The following SCAPER variants were observed in gnomAD, a reference collection of about 807,000 sequenced individuals.
SCAPER encodes the protein S-phase cyclin A associated protein in the ER.
A neutral mutation model predicts 182.2 loss-of-function variants in SCAPER; 98 were observed. That is an observed-to-expected ratio of 0.54 (90% confidence interval 0.46 to 0.64). The LOEUF (loss-of-function observed/expected upper bound fraction) is 0.64. Among genes scored for constraint, SCAPER ranks in the 30% least tolerant of loss-of-function variants. SCAPER has a pLI of 0.00. For missense variants in SCAPER, 1,432 were observed against 1,690.0 expected (o/e 0.85, Z 2.68); for synonymous variants, 605 against 564.6 (o/e 1.07, Z -1.01).
At chr15:76,774,743 T>C in intron 9 of SCAPER, 112 bp downstream of exon 9, 1 of 1,202,722 alleles carries the variant, frequency 8.3e-7, no homozygotes, top group Non-Finnish European at 1.1e-6. Flanking sequence ...TCTATAGACC[T>C]GAAAATTTTC....
At chr15:76,856,679 T>C (rs2137307) in intron 4 of SCAPER, among the ~76,000 whole-genome samples, 13 of 151,548 alleles carry the variant, frequency 8.6e-5, no homozygotes, top group African/African-American at 3.1e-4. Flanking sequence ...ACATACTATA[T>C]ACTTAAAAAT....
intron 1 of SCAPER, among the ~76,000 whole-genome samples, chr15:76,892,653 T>C (rs1468423699): frequency 6.6e-6 from 1 of 152,116 alleles, no homozygotes; most frequent in Non-Finnish European, 1.5e-5. Context: ...ATGGCCATCA[T>C]TAAAAATTCA....
intron 31 of SCAPER, 46 bp downstream of exon 31, chr15:76,351,191 C>T: frequency 6.5e-7 from 1 of 1,536,412 alleles, no homozygotes; most frequent in Non-Finnish European, 8.9e-7. Context: ...GAAAGATGTC[C>T]ATTTGGCTAA....
intron 5 of SCAPER, among the ~76,000 whole-genome samples, chr15:76,818,436 A>G (rs1281276584): frequency 1.3e-5 from 2 of 152,244 alleles, no homozygotes; most frequent in Non-Finnish European, 2.9e-5. Context: ...CCATGAATGA[A>G]AAAATTGATA....
chr15:76,477,782 T>C (rs2050776456), intron 24 of SCAPER, among the ~76,000 whole-genome samples: 1 of 152,286 alleles, frequency 6.6e-6, no homozygotes, highest in South Asian at 2.1e-4. Flanking sequence ...CCATGTCTAT[T>C]TACATTTTCT....
intron 23 of SCAPER, among the ~76,000 whole-genome samples, chr15:76,526,935 G>A (rs962868958): frequency 6.6e-6 from 1 of 151,666 alleles, no homozygotes; most frequent in African/African-American, 2.4e-5. Context: ...GCAGTCGCGC[G>A]ATCTTGGCTC....
rs796229547 is a variant in SCAPER at position 76,684,134 on chromosome 15, C to CG, written c.2508+17623dup. Reference sequence around the variant, plus strand: ...AAACACACTTAACTATATAGACCACCGACACTATAAAGCAGCCAGGCAATC... The same window carrying CG: ...AAACACACTTAACTATATAGACCACCGGACACTATAAAGCAGCCAGGCAATC... On this transcript the variant is annotated intron_variant, in intron 20 of 31. Coordinates refer to ENST00000563290, the MANE Select transcript of SCAPER (RefSeq NM_020843.4). Among the ~76,000 whole-genome samples, 78 of 152,078 alleles carry CG rather than the reference C, an allele frequency of 5.1e-4. 1 individual carries two copies. Among genetic ancestry groups the CG allele is most frequent in the African/African-American group, 1.8e-3 (73 of 41,474 alleles).
intron 21 of SCAPER, among the ~76,000 whole-genome samples, chr15:76,650,551 A>AT (rs973873850): frequency 7.2e-5 from 11 of 152,004 alleles, no homozygotes; most frequent in African/African-American, 2.2e-4. Flanking sequence ...AAGGAAGAAA[A>AT]TTTTTTAAAC....
chr15:76,567,397 A>G (rs1013931090), intron 23 of SCAPER: 1 of 449,696 alleles, frequency 2.2e-6, no homozygotes, highest in Non-Finnish European at 4.5e-6. Context: ...CTTTCCATAC[A>G]GTATATACCT....
At chr15:76,465,897 C>T (rs960000154) in intron 25 of SCAPER, among the ~76,000 whole-genome samples, 5 of 152,066 alleles carry the variant, frequency 3.3e-5, no homozygotes, top group Non-Finnish European at 5.9e-5. Context: ...TATATCCCTC[C>T]ACTCCCTTCT....
chr15:76,855,615 C>T (rs935421194), intron 4 of SCAPER, among the ~76,000 whole-genome samples: 10 of 151,800 alleles, frequency 6.6e-5, no homozygotes, highest in Non-Finnish European at 1.5e-5. Flanking sequence ...AGGCAAAGAA[C>T]ACAAACTCTA....
intron 18 of SCAPER, among the ~76,000 whole-genome samples, chr15:76,705,096 CAT>C (rs906758041): frequency 2.6e-5 from 4 of 152,114 alleles, no homozygotes; most frequent in African/African-American, 4.8e-5. Flanking sequence ...CACATGCACA[CAT>C]ATGTTTATTG....
At chr15:76,350,181 C>T (rs2040439151) in intron 31 of SCAPER, 2 of 152,162 alleles carry the variant, frequency 1.3e-5, no homozygotes, top group African/African-American at 4.8e-5. Flanking sequence ...CTAATTCTTG[C>T]TCAGACAAAT....
chr15:76,741,861 A>T (rs1036674999), intron 15 of SCAPER, among the ~76,000 whole-genome samples: 1 of 152,146 alleles, frequency 6.6e-6, no homozygotes, highest in Non-Finnish European at 1.5e-5. Flanking sequence ...ACAAGCACCA[A>T]ACAATAGGCA....
At chr15:76,652,506 T>TATTTAC (rs2055236920) in intron 21 of SCAPER, among the ~76,000 whole-genome samples, 1 of 99,510 alleles carries the variant, frequency 1.0e-5, no homozygotes, top group African/African-American at 3.6e-5. Context: ...TATATATATA[T>TATTTAC]ATTTACATAC....
chr15:76,813,227 TAA>T (rs746891532), intron 5 of SCAPER, among the ~76,000 whole-genome samples: 471 of 17,118 alleles, frequency 0.028, 1 homozygote, highest in South Asian at 0.073. Context: ...ATCCTTTCAC[TAA>T]AAAAAAAAAA....
chr15:76,866,258 T>TGC (rs1412218006), intron 2 of SCAPER, among the ~76,000 whole-genome samples: 4 of 151,994 alleles, frequency 2.6e-5, no homozygotes, highest in Non-Finnish European at 5.9e-5. Context: ...TGTGTGTGTG[T>TGC]GCGTGTGTGT....
At chr15:76,776,253 C>T (rs974231220) in intron 8 of SCAPER, among the ~76,000 whole-genome samples, 4 of 152,066 alleles carry the variant, frequency 2.6e-5, no homozygotes, top group Non-Finnish European at 5.9e-5. Context: ...AGACAAAGCA[C>T]AGAAAAAAGG....
At chr15:76,894,128 T>A (rs1175232920) in intron 1 of SCAPER, among the ~76,000 whole-genome samples, 1 of 152,148 alleles carries the variant, frequency 6.6e-6, no homozygotes, top group Non-Finnish European at 1.5e-5. Flanking sequence ...GGCGCATGCC[T>A]GCAGTCCCAG....
Sources: gnomAD v4.1 joint callset for allele counts (sites outside exome capture counted in the v4.1 genomes callset) on GRCh38, gnomAD v4.1.1 for gene constraint, MANE v1.5 for transcripts, NCBI Gene and HGNC (gene_info 2026-07-23, HGNC 2026-07-21) for gene names.